NDEL1: variants seen among roughly 807,000 people sequenced by gnomAD.
NDEL1 encodes nudE neurodevelopment protein 1 like 1.
Under a neutral mutation model 45.7 loss-of-function variants are expected in NDEL1, and 9 were observed. The ratio of observed to expected loss-of-function variants is 0.20; its 90% CI spans 0.12 to 0.34. The LOEUF (loss-of-function observed/expected upper bound fraction) is 0.34. Among genes scored for constraint, NDEL1 ranks in the 10% least tolerant of loss-of-function variants. The probability of loss-of-function intolerance (pLI) is 1.00; values close to 1 mark genes in which losing one functional copy is unlikely to be tolerated. For missense variants in NDEL1, 306 were observed against 406.2 expected (o/e 0.75, Z 2.12); for synonymous variants, 133 against 158.6 (o/e 0.84, Z 1.21).
At chr17:8,457,253 G>A (rs924064817) in intron 7 of NDEL1, among the ~76,000 whole-genome samples, 1 of 152,108 alleles carries the variant, frequency 6.6e-6, no homozygotes, top group Non-Finnish European at 1.5e-5. Flanking sequence ...GATGGGCTTC[G>A]AGGGCTGCTG....
At chr17:8,449,367 G>C (rs1910312924) in intron 5 of NDEL1, among the ~76,000 whole-genome samples, 1 of 152,130 alleles carries the variant, frequency 6.6e-6, no homozygotes, top group South Asian at 2.1e-4. Flanking sequence ...GGCCTTAAAT[G>C]GTCCTTCTGG....
chr17:8,420,069 C>G (rs1567719036), intron 1 of NDEL1, among the ~76,000 whole-genome samples: 1 of 152,216 alleles, frequency 6.6e-6, no homozygotes, highest in Non-Finnish European at 1.5e-5. Flanking sequence ...GATGGCTCAA[C>G]ACTTCCCTGG....
At chr17:8,413,948 T>C (rs1394314262) in intron 1 of NDEL1, among the ~76,000 whole-genome samples, 1 of 152,258 alleles carries the variant, frequency 6.6e-6, no homozygotes, top group Non-Finnish European at 1.5e-5. Context: ...TACAGAGACA[T>C]TGAAAGTGTT....
At chr17:8,447,649 T>A (rs1910169476) in intron 4 of NDEL1, among the ~76,000 whole-genome samples, 1 of 152,178 alleles carries the variant, frequency 6.6e-6, no homozygotes, top group African/African-American at 2.4e-5. Context: ...AAATGTTGAT[T>A]TCAGTTCAAA....
chr17:8,459,948 G>A, intron 7 of NDEL1, 61 bp from the exon 8 acceptor site: 3 of 1,534,228 alleles, frequency 2.0e-6, no homozygotes, highest in East Asian at 4.6e-5. Context: ...GGTTTGAAAT[G>A]CAAATTTTTA....
intron 1 of NDEL1, among the ~76,000 whole-genome samples, chr17:8,425,632 A>G (rs1252784550): frequency 6.6e-6 from 1 of 152,170 alleles, no homozygotes; most frequent in Non-Finnish European, 1.5e-5. Context: ...ATAAATGTTA[A>G]CTGCCCATAA....
downstream of NDEL1, among the ~76,000 whole-genome samples, chr17:8,472,276 G>A (rs2151748427): frequency 6.6e-6 from 1 of 152,262 alleles, no homozygotes; most frequent in South Asian, 2.1e-4. Context: ...CCTGGGACAG[G>A]AAAAATTGGT....
At position 8,454,033 on chromosome 17, in the gene NDEL1, T is replaced by C. The variant is rs141834959; in HGVS notation, c.701-763T>C. ...CCATTTGGAGGAAAAAATTTAGATA[T>C]GTATCTTATAGACAACTATAATTTC... On this transcript the variant is annotated intron_variant, in intron 6 of 8. Transcript: ENST00000334527. 5.8e-4 allele frequency among the ~76,000 whole-genome samples: 89 copies of C among 152,312 alleles called. No individual in the cohort carries two copies. The East Asian group carries it at 0.016, about 28-fold the overall frequency.
At chr17:8,431,319 C>G (rs577757850), upstream of NDEL1, 1 of 152,278 alleles carries the variant, frequency 6.6e-6, no homozygotes, top group Non-Finnish European at 1.5e-5. Flanking sequence ...AGAGCCTGAA[C>G]GAGCTGTACC....
At chr17:8,461,578 C>T (rs1307239209) in intron 8 of NDEL1, among the ~76,000 whole-genome samples, 3 of 152,112 alleles carry the variant, frequency 2.0e-5, no homozygotes, top group Non-Finnish European at 2.9e-5. Flanking sequence ...TGGGTTTCCT[C>T]GGGTGGAGTA....
chr17:8,457,933 T>C (rs1910947694), intron 7 of NDEL1, among the ~76,000 whole-genome samples: 1 of 152,254 alleles, frequency 6.6e-6, no homozygotes, highest in South Asian at 2.1e-4. Context: ...GTATTACATG[T>C]TATCCATATA....
intron 1 of NDEL1, among the ~76,000 whole-genome samples, chr17:8,443,117 G>A (rs1597532387): frequency 6.6e-6 from 1 of 152,166 alleles, no homozygotes; most frequent in African/African-American, 2.4e-5. Flanking sequence ...AGTTCTTGCT[G>A]CCTAGTATGG....
intron 1 of NDEL1, among the ~76,000 whole-genome samples, chr17:8,430,781 C>A (rs994253346): frequency 6.6e-6 from 1 of 152,180 alleles, no homozygotes; most frequent in African/African-American, 2.4e-5. Flanking sequence ...ACTTCTGTTC[C>A]CTTTCGGGGC....
upstream of NDEL1, chr17:8,431,182 T>G (rs1017788074): frequency 6.6e-6 from 1 of 152,304 alleles, no homozygotes; most frequent in Non-Finnish European, 1.5e-5. Flanking sequence ...CCCTTATTAA[T>G]TTTTTTCCTC....
At chr17:8,434,302 C>T (rs531184231), upstream of NDEL1, among the ~76,000 whole-genome samples, 11 of 152,216 alleles carry the variant, frequency 7.2e-5, no homozygotes, top group South Asian at 1.0e-3. Flanking sequence ...CTGCAACCTC[C>T]GCCTCCCGGG....
chr17:8,421,068 T>C (rs987796132), intron 1 of NDEL1, among the ~76,000 whole-genome samples: 3 of 152,192 alleles, frequency 2.0e-5, no homozygotes, highest in Non-Finnish European at 4.4e-5. Context: ...TAGGGAATGT[T>C]AGGGAAAATA....
chr17:8,434,027 C>G (rs1909086296), upstream of NDEL1, among the ~76,000 whole-genome samples: 1 of 152,104 alleles, frequency 6.6e-6, no homozygotes, highest in Non-Finnish European at 1.5e-5. Flanking sequence ...ATAAACTGGG[C>G]CTCCTAGGCT....
At chr17:8,419,698 G>T (rs1908654776) in intron 1 of NDEL1, among the ~76,000 whole-genome samples, 1 of 152,056 alleles carries the variant, frequency 6.6e-6, no homozygotes, top group African/African-American at 2.4e-5. Context: ...AAAGGAAAAA[G>T]GTAAACTTTA....
At chr17:8,437,517 C>G (rs1489706798) in intron 1 of NDEL1, among the ~76,000 whole-genome samples, 2 of 152,180 alleles carry the variant, frequency 1.3e-5, no homozygotes, top group African/African-American at 4.8e-5. Context: ...AAAATTACTT[C>G]TGACGTAAGT....
Sources: allele counts gnomAD v4.1 joint callset (sites outside exome capture counted in the v4.1 genomes callset), GRCh38; gene constraint gnomAD v4.1.1; transcripts MANE v1.5; gene names NCBI Gene and HGNC (gene_info 2026-07-23, HGNC 2026-07-21).